The following KCNK1 variants were observed in gnomAD, a reference collection of about 807,000 sequenced individuals.
The protein encoded by KCNK1 is potassium channel subfamily K member 1.
In KCNK1, 10 loss-of-function variants were observed where a neutral mutation model predicts 22.2. The observed-to-expected ratio is 0.45, with a 90% CI of 0.28 to 0.76. The LOEUF is 0.76. Ranked by LOEUF, KCNK1 falls within the 30% of genes least tolerant of loss-of-function variation. The probability of loss-of-function intolerance (pLI) is 0.14; values close to 1 mark genes in which losing one functional copy is unlikely to be tolerated. For synonymous variants in KCNK1, 200 were observed against 186.4 expected (o/e 1.07, Z -0.60); for missense variants, 378 against 421.0 (o/e 0.90, Z 0.89).
chr1:233,625,827 C>T (rs764370363), intron 1 of KCNK1, among the ~76,000 whole-genome samples: 5 of 152,016 alleles, frequency 3.3e-5, no homozygotes, highest in Non-Finnish European at 7.4e-5. Context: ...AGCTGTGTTC[C>T]AGAACAAAGG....
intron 1 of KCNK1, among the ~76,000 whole-genome samples, chr1:233,642,963 G>C (rs1658027213): frequency 7.2e-6 from 1 of 138,266 alleles, no homozygotes; most frequent in Admixed American, 7.7e-5. Context: ...TGCATTTTTA[G>C]TAGAGATGGG....
At chr1:233,659,346 G>C (rs1378279547) in intron 1 of KCNK1, among the ~76,000 whole-genome samples, 1 of 150,822 alleles carries the variant, frequency 6.6e-6, no homozygotes, top group Non-Finnish European at 1.5e-5. Flanking sequence ...CATTTCCTAT[G>C]ATAACAATGC....
intron 1 of KCNK1, among the ~76,000 whole-genome samples, chr1:233,629,125 A>G (rs1208676116): frequency 6.6e-6 from 1 of 152,202 alleles, no homozygotes; most frequent in Non-Finnish European, 1.5e-5. Context: ...AGGGATAATC[A>G]CTGAAATATA....
intron 1 of KCNK1, among the ~76,000 whole-genome samples, chr1:233,623,669 A>G (rs568637696): frequency 6.6e-6 from 1 of 152,282 alleles, no homozygotes; most frequent in Non-Finnish European, 1.5e-5. Context: ...GATCGCTGCA[A>G]CCTCCACCTC....
At chr1:233,665,129 T>C (rs1224979844) in intron 1 of KCNK1, among the ~76,000 whole-genome samples, 1 of 152,218 alleles carries the variant, frequency 6.6e-6, no homozygotes, top group Non-Finnish European at 1.5e-5. Context: ...GGTCCTAATG[T>C]AATTTTTTCA....
chr1:233,647,578 G>C (rs957003651), intron 1 of KCNK1, among the ~76,000 whole-genome samples: 4 of 152,062 alleles, frequency 2.6e-5, no homozygotes, highest in African/African-American at 7.2e-5. Flanking sequence ...CTCTCCTTAG[G>C]GCCTCACGAT....
At chr1:233,616,598 A>G (rs1394368688) in intron 1 of KCNK1, among the ~76,000 whole-genome samples, 1 of 152,216 alleles carries the variant, frequency 6.6e-6, no homozygotes, top group African/African-American at 2.4e-5. Flanking sequence ...AACTAAATGA[A>G]AAAGGTGCCT....
At chr1:233,620,412 A>G (rs906317292) in intron 1 of KCNK1, among the ~76,000 whole-genome samples, 8 of 152,236 alleles carry the variant, frequency 5.3e-5, no homozygotes, top group African/African-American at 1.9e-4. Flanking sequence ...TCTAAGTGGT[A>G]TGCAACATTG....
chr1:233,655,318 C>T lies in KCNK1; in HGVS notation c.356-11277C>T, dbSNP rs573025260. On this transcript the variant is annotated intron_variant, in intron 1 of 2. Coordinates refer to ENST00000366621, the MANE Select transcript of KCNK1 (RefSeq NM_002245.4). ...CTTGTTTAATTTCACAGGCTCACAGCTGGAGGGGAAATTGCTTCAGAATGA... is the reference window on the plus strand; with the variant it reads ...CTTGTTTAATTTCACAGGCTCACAGTTGGAGGGGAAATTGCTTCAGAATGA... Among the ~76,000 whole-genome samples, 40 of 152,270 alleles carry T rather than the reference C, an allele frequency of 2.6e-4. No homozygotes were observed. The South Asian group carries it at 7.7e-3, about 29-fold the overall frequency.
rs115268224 is a variant in KCNK1, at chr1:233,655,485, G to A, written c.356-11110G>A. On this transcript the variant is annotated intron_variant, in intron 1 of 2. Transcript: ENST00000366621. ...ACTGAATGCATTTTGCGTGTGAGAA[G>A]GACATGAAATTTTGGGATGCCAGGG... Among the ~76,000 whole-genome samples, 457 of 152,272 alleles carry A rather than the reference G, an allele frequency of 3.0e-3. 2 individuals carry two copies. Among genetic ancestry groups the A allele is most frequent in the African/African-American group, 1.0e-2 (415 of 41,560 alleles).
chr1:233,670,667 TTACCCCCATGATTCAAC>T (rs375348463), intron 2 of KCNK1, among the ~76,000 whole-genome samples: 1,993 of 152,130 alleles, frequency 0.013, 45 homozygotes, highest in African/African-American at 0.045. Context: ...GGGGAAAGAC[TTACCCCCATGATTCAAC>T]TACCTCCCAC....
At chr1:233,625,022 G>T (rs1366031475) in intron 1 of KCNK1, among the ~76,000 whole-genome samples, 1 of 152,144 alleles carries the variant, frequency 6.6e-6, no homozygotes, top group Non-Finnish European at 1.5e-5. Context: ...CTGATAAAAG[G>T]CAGATTAATA....
intron 1 of KCNK1, among the ~76,000 whole-genome samples, chr1:233,653,888 C>G: frequency 6.6e-6 from 1 of 151,912 alleles, no homozygotes; most frequent in South Asian, 2.1e-4. Flanking sequence ...AGATTGATAC[C>G]AAGAAGTGGG....
At chr1:233,627,661 A>T (rs1028329601) in intron 1 of KCNK1, among the ~76,000 whole-genome samples, 6 of 152,190 alleles carry the variant, frequency 3.9e-5, no homozygotes, top group African/African-American at 1.4e-4. Flanking sequence ...GCACCCCCAG[A>T]CAGCAGGGAA....
intron 1 of KCNK1, among the ~76,000 whole-genome samples, chr1:233,619,875 A>G (rs1261601911): frequency 7.3e-6 from 1 of 137,222 alleles, no homozygotes; most frequent in African/African-American, 2.7e-5. Context: ...ACGCCACTGC[A>G]CACCAACCTG....
At chr1:233,664,703 A>G (rs953102472) in intron 1 of KCNK1, among the ~76,000 whole-genome samples, 9 of 152,224 alleles carry the variant, frequency 5.9e-5, no homozygotes, top group Non-Finnish European at 1.3e-4. Flanking sequence ...GAGGCCGTAC[A>G]TGGGAATAAT....
intron 1 of KCNK1, among the ~76,000 whole-genome samples, chr1:233,622,305 T>A (rs1288467398): frequency 6.6e-6 from 1 of 152,312 alleles, no homozygotes; most frequent in African/African-American, 2.4e-5. Context: ...ATACTCAGAG[T>A]TGCACCTGCT....
intron 2 of KCNK1, 47 bp from the exon 3 acceptor site, chr1:233,671,224 T>C: frequency 6.3e-7 from 1 of 1,584,550 alleles, no homozygotes; most frequent in Non-Finnish European, 8.6e-7. Flanking sequence ...CTACTTGATT[T>C]ATCCATGTTG....
intron 1 of KCNK1, among the ~76,000 whole-genome samples, chr1:233,654,780 C>A (rs1658261241): frequency 6.6e-6 from 1 of 152,160 alleles, no homozygotes; most frequent in Non-Finnish European, 1.5e-5. Flanking sequence ...TGAGAAGGCA[C>A]ATTGGGAAAG....
Sources: allele counts gnomAD v4.1 joint callset (sites outside exome capture counted in the v4.1 genomes callset), GRCh38; gene constraint gnomAD v4.1.1; transcripts MANE v1.5; gene names NCBI Gene and HGNC (gene_info 2026-07-23, HGNC 2026-07-21).